Variants in RELCH observed in about 807,000 individuals in gnomAD.
RELCH encodes RAB11 binding and LisH domain, coiled-coil and HEAT repeat containing.
Under a neutral mutation model 150.3 loss-of-function variants are expected in RELCH, and 41 were observed. That is an observed-to-expected ratio of 0.27 (90% CI 0.21 to 0.35). The LOEUF is 0.35. Among genes scored for constraint, RELCH ranks in the 10% least tolerant of loss-of-function variants. The probability of loss-of-function intolerance (pLI) is 1.00; values close to 1 mark genes in which losing one functional copy is unlikely to be tolerated. For synonymous variants in RELCH, 478 were observed against 531.8 expected (o/e 0.90, Z 1.39); for missense variants, 1,092 against 1,467.8 (o/e 0.74, Z 4.18).
chr18:62,200,774 G>A (rs1480662660), intron 1 of RELCH, among the ~76,000 whole-genome samples: 5 of 151,816 alleles, frequency 3.3e-5, no homozygotes, highest in African/African-American at 4.8e-5. Context: ...TTACTCTGAC[G>A]TTTATAAATA....
At chr18:62,233,795 TCA>T (rs1365571712) in intron 10 of RELCH, among the ~76,000 whole-genome samples, 2 of 152,066 alleles carry the variant, frequency 1.3e-5, no homozygotes, top group African/African-American at 4.8e-5. Context: ...ATTATGAAAT[TCA>T]GTTTTAGCTT....
chr18:62,287,488 T>C (rs757955678), intron 26 of RELCH, 21 bp downstream of exon 26: 2 of 1,227,220 alleles, frequency 1.6e-6, no homozygotes, highest in Non-Finnish European at 2.4e-6. Context: ...TTTATTAAGG[T>C]GTATCTACAT....
intron 15 of RELCH, 50 bp downstream of exon 15, chr18:62,258,726 C>T: frequency 1.5e-6 from 2 of 1,294,006 alleles, no homozygotes; most frequent in Non-Finnish European, 1.1e-6. Flanking sequence ...AAAGGTCTGT[C>T]CTAAGCCATC....
At position 62,287,383 on chromosome 18, in the gene RELCH, G is replaced by C; in HGVS notation, c.3286G>C (p.Val1096Leu). ...VIPHLHKLAL[V>L]NNLQIVDSKR... ...ACCACATTTGCATAAGTTAGCCTTGGTGAACAACTTACAGATTGTGGATTC... is the reference window on the plus strand; with the variant it reads ...ACCACATTTGCATAAGTTAGCCTTGCTGAACAACTTACAGATTGTGGATTC... The change falls in exon 26 of 29, where the codon GTG becomes CTG. Residue 1096 changes from valine to leucine, a missense_variant. Val to Leu is a conservative substitution (Grantham distance 32). Coordinates refer to ENST00000644646, the MANE Select transcript of RELCH (RefSeq NM_001346231.2). 4.4e-6 allele frequency: 7 copies of C among 1,607,768 alleles called. No individual in the cohort carries two copies. The highest frequency in any genetic ancestry group is 6.0e-6 in the Non-Finnish European group (7 of 1,175,534).
intron 10 of RELCH, among the ~76,000 whole-genome samples, chr18:62,236,331 C>T (rs535405779): frequency 6.6e-6 from 1 of 151,944 alleles, no homozygotes; most frequent in South Asian, 2.1e-4. Flanking sequence ...GGTTTATAAA[C>T]CTTCTAATGT....
chr18:62,274,071 C>T lies in RELCH; in HGVS notation c.2852C>T (p.Ser951Phe). 1 of 1,608,872 alleles carries T rather than the reference C, an allele frequency of 6.2e-7. No homozygotes were observed. The highest frequency in any genetic ancestry group is 8.5e-7 in the Non-Finnish European group (1 of 1,175,794). ...SHAPLDSLKA[S>F]FVELGANPAY... ...GCTCCTCTTGATAGCCTGAAGGCTT[C>T]TTTTGTGGAATTGGGGTAAGAAATA... Residue 951 changes from serine to phenylalanine, a missense_variant, in exon 21 of 29, where the codon TCT becomes TTT. Around this residue, in one of 4 missense-constraint regions of RELCH, gnomAD observed 707 missense variants for 1,025.4 expected, o/e 0.69. Transcript: ENST00000644646.
intron 21 of RELCH, 93 bp from the exon 22 acceptor site, chr18:62,275,281 C>A: frequency 1.7e-6 from 1 of 586,794 alleles, no homozygotes; most frequent in Non-Finnish European, 2.9e-6. Context: ...ATATTATTAT[C>A]ATTAATATTC....
chr18:62,261,192 G>GA (rs2043253863), intron 15 of RELCH, among the ~76,000 whole-genome samples: 2 of 151,858 alleles, frequency 1.3e-5, no homozygotes, highest in Non-Finnish European at 2.9e-5. Context: ...ATTCTAACAA[G>GA]AAAAAAGATA....
At chr18:62,248,437 T>C (rs2042532864) in intron 11 of RELCH, among the ~76,000 whole-genome samples, 1 of 152,178 alleles carries the variant, frequency 6.6e-6, no homozygotes, top group Admixed American at 6.5e-5. Flanking sequence ...AGAGGAAACG[T>C]TGCCCAAATT....
chr18:62,213,155 A>G (rs1175727400), intron 2 of RELCH, among the ~76,000 whole-genome samples: 1 of 152,088 alleles, frequency 6.6e-6, no homozygotes, highest in Non-Finnish European at 1.5e-5. Context: ...CACTTGTTAT[A>G]TATATTAGCT....
chr18:62,218,815 G>T (rs2040646700), intron 2 of RELCH, among the ~76,000 whole-genome samples: 1 of 151,882 alleles, frequency 6.6e-6, no homozygotes. Flanking sequence ...ATATTTTTAG[G>T]AAGGATTACA....
intron 27 of RELCH, among the ~76,000 whole-genome samples, chr18:62,297,457 G>C (rs1175161256): frequency 6.6e-6 from 1 of 151,922 alleles, no homozygotes; most frequent in Non-Finnish European, 1.5e-5. Flanking sequence ...GGAGGAAACA[G>C]AGACAATGCA....
intron 10 of RELCH, chr18:62,235,287 G>A (rs757702895): frequency 1.3e-5 from 2 of 151,948 alleles, no homozygotes; most frequent in Non-Finnish European, 2.9e-5. Flanking sequence ...GATTCTTCGG[G>A]TTTATTTCTG....
chr18:62,281,760 G>A (rs773902365), intron 24 of RELCH, among the ~76,000 whole-genome samples: 24 of 152,186 alleles, frequency 1.6e-4, no homozygotes, highest in Non-Finnish European at 2.2e-4. Flanking sequence ...GTTACAGAAA[G>A]AATATTTTCC....
At chr18:62,275,839 A>G (rs2044179858) in intron 22 of RELCH, among the ~76,000 whole-genome samples, 1 of 152,190 alleles carries the variant, frequency 6.6e-6, no homozygotes, top group Admixed American at 6.5e-5. Context: ...GTTGTAAAAT[A>G]TAGTTGAATT....
At chr18:62,246,206 C>T (rs573770335) in intron 11 of RELCH, 150 of 152,294 alleles carry the variant, frequency 9.8e-4, no homozygotes, top group African/African-American at 3.5e-3. Flanking sequence ...TTTTTATACA[C>T]AAAACTTTCT....
At position 62,305,468 on chromosome 18, in the gene RELCH, G is replaced by T. The variant is rs757448953; in HGVS notation, c.3585G>T (p.Leu1195Phe). The change falls in exon 29 of 29, where the codon TTG becomes TTT. Residue 1195 changes from leucine (L) to phenylalanine (F), a missense_variant. Leu to Phe is a conservative substitution (Grantham distance 22). Coordinates refer to ENST00000644646, the MANE Select transcript of RELCH (RefSeq NM_001346231.2). This position sits in a 1 kb window ranked among gnomAD's most constrained non-coding sequence, Gnocchi z 4.0. ...GTGAAGATACAAAGACCAAGTTTTT[G>T]AACAAAATGGGCCAGTTGACAACAT... ...LVSEDTKTKF[L>F]NKMGQLTTSG... The T allele has an allele frequency of 6.2e-6, 10 of 1,611,722 alleles. No homozygotes were observed. The East Asian group carries it at 2.2e-4, about 36-fold the overall frequency.
chr18:62,296,550 C>T (rs972873671), intron 27 of RELCH, among the ~76,000 whole-genome samples: 6 of 151,930 alleles, frequency 3.9e-5, no homozygotes, highest in Admixed American at 2.0e-4. Flanking sequence ...CACGCCATTG[C>T]ACTCCAGCCT....
chr18:62,201,718 ATTAC>A (rs1340828755), intron 1 of RELCH, among the ~76,000 whole-genome samples: 4 of 152,194 alleles, frequency 2.6e-5, no homozygotes, highest in African/African-American at 9.6e-5. Flanking sequence ...TATAAACATG[ATTAC>A]TTAGACTTAT....
Sources: allele counts gnomAD v4.1 joint callset (sites outside exome capture counted in the v4.1 genomes callset), GRCh38; gene constraint gnomAD v4.1.1; regional missense constraint gnomAD v4.1.1; non-coding constraint Gnocchi (gnomAD v3.1); transcripts MANE v1.5; gene names NCBI Gene and HGNC (gene_info 2026-07-23, HGNC 2026-07-21).